Variants in NALF1 observed in about 807,000 individuals in gnomAD.
The protein encoded by NALF1 is NALCN channel auxiliary factor 1.
NALF1 carries 3 observed loss-of-function variants against 48.4 expected under a neutral mutation model. That is an observed-to-expected ratio of 0.06 (90% CI 0.03 to 0.16). The LOEUF (loss-of-function observed/expected upper bound fraction) is 0.16, where lower values mean the gene tolerates loss of function less well. NALF1 is among the 10% of genes least tolerant of loss of function. The pLI is 1.00. For synonymous variants in NALF1, 262 were observed against 245.7 expected, an observed-to-expected ratio of 1.07 and a Z score of -0.62; for missense variants, 526 against 571.5, an observed-to-expected ratio of 0.92 and a Z score of 0.81.
intron 1 of NALF1, among the ~76,000 whole-genome samples, chr13:107,828,164 A>C (rs933148079): frequency 1.3e-5 from 2 of 152,192 alleles, no homozygotes; most frequent in African/African-American, 4.8e-5. Flanking sequence ...ACTTTTATTA[A>C]GCCATGCAAT....
In NALF1 at chr13:107,429,836, T is replaced by C. The variant is rs573062792; in HGVS notation, c.916-219081A>G. Among the ~76,000 whole-genome samples the C allele has an allele frequency of 1.2e-3, 188 of 152,274 alleles. 1 individual carries two copies. Among genetic ancestry groups the C allele is most frequent in the African/African-American group, 4.3e-3 (178 of 41,558 alleles). ...TCTATAAATACATGTACAATCTCTA[T>C]AAATACATGTAAATACATGTTCAAT... On this transcript the variant is annotated intron_variant, in intron 1 of 2. Coordinates refer to ENST00000375915, the MANE Select transcript of NALF1 (RefSeq NM_001080396.3).
chr13:107,451,096 C>G (rs1316002512), intron 1 of NALF1, among the ~76,000 whole-genome samples: 1 of 152,188 alleles, frequency 6.6e-6, no homozygotes, highest in Non-Finnish European at 1.5e-5. Context: ...TGACTGTGCT[C>G]CACTGAGTCG....
At position 107,647,949 on chromosome 13, in the gene NALF1, T is replaced by G. The variant is rs1043141506; in HGVS notation, c.915+217733A>C. Among the ~76,000 whole-genome samples the G allele has an allele frequency of 5.3e-5, 8 of 152,104 alleles. 1 individual carries two copies. The highest frequency in any genetic ancestry group is 1.9e-4 in the African/African-American group (8 of 41,432). On this transcript the variant is annotated intron_variant, in intron 1 of 2. Transcript: ENST00000375915. Reference sequence around the variant, plus strand: ...TTAAAAAGCTACCCTAATTTTTACCTGAAGATTATAGAAAAGAGTAATTTG... The same window carrying G: ...TTAAAAAGCTACCCTAATTTTTACCGGAAGATTATAGAAAAGAGTAATTTG...
chr13:107,800,424 T>C (rs948705962), intron 1 of NALF1, among the ~76,000 whole-genome samples: 14 of 151,808 alleles, frequency 9.2e-5, no homozygotes, highest in African/African-American at 3.4e-4. Context: ...AATTTAAATA[T>C]AGTAAACTAC....
At chr13:107,309,175 A>G (rs1881997664) in intron 1 of NALF1, among the ~76,000 whole-genome samples, 1 of 152,220 alleles carries the variant, frequency 6.6e-6, no homozygotes, top group Non-Finnish European at 1.5e-5. Flanking sequence ...TAGGCCCTCA[A>G]AAAATGTTGA....
intron 1 of NALF1, among the ~76,000 whole-genome samples, chr13:107,434,744 T>C (rs951767445): frequency 6.6e-6 from 1 of 152,206 alleles, no homozygotes; most frequent in African/African-American, 2.4e-5. Context: ...CTCTCAATAA[T>C]ACATTTGCCC....
Position 107,433,676 on chromosome 13 carries a change from CA to C in NALF1, c.916-222922del, listed in dbSNP as rs112231783. ...ACATTAAAAAGTTAAGGCACAAATT[CA>C]AAAAAAAAAACTTCTAATTTTGTGT... On this transcript the variant is annotated intron_variant, in intron 1 of 2. Coordinates refer to ENST00000375915, the MANE Select transcript of NALF1 (RefSeq NM_001080396.3). Among the ~76,000 whole-genome samples the C allele has an allele frequency of 1.1e-3, 164 of 144,624 alleles. 1 individual carries two copies. Among genetic ancestry groups the C allele is most frequent in the Middle Eastern group, 7.4e-3 (2 of 272 alleles). 94.9% of individuals were successfully genotyped at this position (144,624 alleles called of 152,430 possible).
chr13:107,340,102 C>A (rs1882639311), intron 1 of NALF1, among the ~76,000 whole-genome samples: 1 of 151,830 alleles, frequency 6.6e-6, no homozygotes, highest in Non-Finnish European at 1.5e-5. Context: ...TTATCTGTGT[C>A]TCATGCTCAA....
intron 1 of NALF1, among the ~76,000 whole-genome samples, chr13:107,374,463 T>G (rs1459314222): frequency 6.6e-6 from 1 of 152,218 alleles, no homozygotes; most frequent in African/African-American, 2.4e-5. Context: ...TGTTTCAGAT[T>G]TTATATTACA....
chr13:107,540,791 A>T (rs1876977542), intron 1 of NALF1, among the ~76,000 whole-genome samples: 1 of 152,134 alleles, frequency 6.6e-6, no homozygotes, highest in African/African-American at 2.4e-5. Context: ...TGATGTATAC[A>T]TTGGCCAAAA....
intron 1 of NALF1, among the ~76,000 whole-genome samples, chr13:107,521,059 A>C (rs1876221882): frequency 6.6e-6 from 1 of 152,194 alleles, no homozygotes; most frequent in Non-Finnish European, 1.5e-5. Context: ...GAATATATAA[A>C]GTAAGCTTTA....
chr13:107,346,723 T>C (rs568377250), intron 1 of NALF1, among the ~76,000 whole-genome samples: 3 of 152,370 alleles, frequency 2.0e-5, no homozygotes, highest in Non-Finnish European at 4.4e-5. Context: ...TACTGTACTG[T>C]ACTATTAAAA....
chr13:107,385,207 C>T (rs1464159198), intron 1 of NALF1, among the ~76,000 whole-genome samples: 3 of 152,122 alleles, frequency 2.0e-5, no homozygotes, highest in African/African-American at 7.2e-5. Context: ...TTTCCTCCTC[C>T]TTTGGTTCTT....
rs1594137501 is a variant in NALF1 at position 107,362,610 on chromosome 13, T to C, written c.916-151855A>G. ...GCCCACCCTAATGACCTCATCTTAATCATCTGTGAAGGCCTTATTTCCAAA... is the reference window on the plus strand; with the variant it reads ...GCCCACCCTAATGACCTCATCTTAACCATCTGTGAAGGCCTTATTTCCAAA... On this transcript the variant is annotated intron_variant, in intron 1 of 2. Coordinates refer to ENST00000375915, the MANE Select transcript of NALF1 (RefSeq NM_001080396.3). The surrounding 1 kb of genome is among the most constrained non-coding windows in gnomAD (Gnocchi z 4.6). 6.6e-6 allele frequency among the ~76,000 whole-genome samples: 1 copy of C among 152,260 alleles called. No homozygotes were observed. Among genetic ancestry groups the C allele is most frequent in the African/African-American group, 2.4e-5 (1 of 41,558 alleles).
At chr13:107,841,066 T>A (rs980983280) in intron 1 of NALF1, among the ~76,000 whole-genome samples, 3 of 152,220 alleles carry the variant, frequency 2.0e-5, no homozygotes, top group African/African-American at 4.8e-5. Flanking sequence ...TCATCATCCA[T>A]GTATTCACTC....
chr13:107,610,449 TA>T (rs145339084), intron 1 of NALF1, among the ~76,000 whole-genome samples: 32 of 151,938 alleles, frequency 2.1e-4, no homozygotes, highest in African/African-American at 6.5e-4. Context: ...TAATTTCAAG[TA>T]AAAAAAAGAC....
chr13:107,288,509 C>T (rs989278888), intron 1 of NALF1, among the ~76,000 whole-genome samples: 3 of 149,432 alleles, frequency 2.0e-5, no homozygotes, highest in Non-Finnish European at 4.4e-5. Context: ...CGTGAGCCAC[C>T]GCGCCCAGCC....
chr13:107,602,620 TC>T (rs1174585322), intron 1 of NALF1, among the ~76,000 whole-genome samples: 1 of 152,252 alleles, frequency 6.6e-6, no homozygotes, highest in East Asian at 1.9e-4. Context: ...ACAACAAATT[TC>T]CAATTGCATT....
At chr13:107,645,758 T>C (rs571427688) in intron 1 of NALF1, among the ~76,000 whole-genome samples, 10 of 151,986 alleles carry the variant, frequency 6.6e-5, no homozygotes, top group African/African-American at 2.4e-4. Flanking sequence ...ACTTCTGCCC[T>C]GAGCAGCTTA....
Sources: allele counts gnomAD v4.1 joint callset (sites outside exome capture counted in the v4.1 genomes callset), GRCh38; gene constraint gnomAD v4.1.1; non-coding constraint Gnocchi (gnomAD v3.1); transcripts MANE v1.5; gene names NCBI Gene and HGNC (gene_info 2026-07-23, HGNC 2026-07-21).